PARD3: variants seen among roughly 807,000 people sequenced by gnomAD.
The protein encoded by PARD3 is partitioning defective 3 homolog.
PARD3 carries 75 observed loss-of-function variants against 155.4 expected under a neutral mutation model. The ratio of observed to expected loss-of-function variants is 0.48; its 90% CI spans 0.40 to 0.58. The LOEUF is 0.58. PARD3 is among the 20% of genes least tolerant of loss of function. The pLI is 0.00. For missense variants in PARD3, 1,642 were observed against 1,721.7 expected (o/e 0.95, Z 0.82); for synonymous variants, 576 against 610.5 (o/e 0.94, Z 0.83).
chr10:34,111,698 T>A (rs1243856159), intron 24 of PARD3, 136 bp from the exon 25 acceptor site: 2 of 714,134 alleles, frequency 2.8e-6, no homozygotes. Flanking sequence ...TGCCAGACAC[T>A]GCGATAGGGG....
At chr10:34,507,939 T>C (rs2081184091) in intron 3 of PARD3, among the ~76,000 whole-genome samples, 1 of 152,228 alleles carries the variant, frequency 6.6e-6, no homozygotes, top group Non-Finnish European at 1.5e-5. Context: ...TTATTTCTAT[T>C]TGCAATATGT....
At chr10:34,551,894 A>T (rs896511612) in intron 2 of PARD3, among the ~76,000 whole-genome samples, 1 of 152,220 alleles carries the variant, frequency 6.6e-6, no homozygotes, top group Non-Finnish European at 1.5e-5. Context: ...GACAAAAAAA[A>T]TCTCATAGAC....
intron 23 of PARD3, among the ~76,000 whole-genome samples, chr10:34,120,538 T>G (rs1946940103): frequency 6.6e-6 from 1 of 152,134 alleles, no homozygotes; most frequent in African/African-American, 2.4e-5. Flanking sequence ...AGGTATATAT[T>G]TTAGTTTTAC....
intron 5 of PARD3, among the ~76,000 whole-genome samples, chr10:34,423,541 T>C (rs1296797648): frequency 6.6e-6 from 1 of 152,208 alleles, no homozygotes. Flanking sequence ...CATTCCATAA[T>C]GTATATATTT....
intron 22 of PARD3, among the ~76,000 whole-genome samples, chr10:34,245,718 G>C (rs951815112): frequency 1.3e-5 from 2 of 152,204 alleles, no homozygotes; most frequent in African/African-American, 4.8e-5. Context: ...AGCAAGAAGA[G>C]CACAGGAGAT....
intron 1 of PARD3, among the ~76,000 whole-genome samples, chr10:34,779,437 C>T (rs946099562): frequency 1.3e-5 from 2 of 151,834 alleles, no homozygotes; most frequent in Admixed American, 6.6e-5. Context: ...GGTGAAACCC[C>T]GTCTCCACTA....
Position 34,352,279 on chromosome 10 carries a change from G to C in PARD3, c.2068-4164C>G, listed in dbSNP as rs146147502. Among the ~76,000 whole-genome samples, 1,188 of 152,164 alleles carry C rather than the reference G, an allele frequency of 7.8e-3. 6 individuals are homozygous for C. Among genetic ancestry groups the C allele is most frequent in the Middle Eastern group, 0.014 (4 of 294 alleles). ...TTTACTTCCATTCCACTCCAGTCTCGTTTAAAAATCTTCAACAGAGTGTCA... is the reference window on the plus strand; with the variant it reads ...TTTACTTCCATTCCACTCCAGTCTCCTTTAAAAATCTTCAACAGAGTGTCA... On this transcript the variant is annotated intron_variant, in intron 14 of 24. Coordinates refer to ENST00000374788, the MANE Select transcript of PARD3 (RefSeq NM_001184785.2).
intron 2 of PARD3, among the ~76,000 whole-genome samples, chr10:34,523,144 TA>T (rs901308479): frequency 6.6e-6 from 1 of 152,200 alleles, no homozygotes; most frequent in African/African-American, 2.4e-5. Flanking sequence ...CACTCAGTCT[TA>T]AACAGAGGGC....
rs116221988 is a variant in PARD3 at position 34,327,869 on chromosome 10, T to G, written c.2833+3248A>C. Among the ~76,000 whole-genome samples the G allele has an allele frequency of 2.9e-3, 437 of 152,192 alleles. 2 individuals are homozygous for G. The highest frequency in any genetic ancestry group is 9.7e-3 in the African/African-American group (403 of 41,534). ...GAACCCACTTCCCCTGAGGCCCACT[T>G]AGCACAGACAATAGAAGATGTTGGA... On this transcript the variant is annotated intron_variant, in intron 19 of 24. Coordinates refer to ENST00000374788, the MANE Select transcript of PARD3 (RefSeq NM_001184785.2).
rs185429930 is a variant in PARD3 at position 34,690,335 on chromosome 10, A to G, written c.222+5983T>C. ...GTCCACCAAAAAGGCCATATGCTAG[A>G]CCAAAAAATATGTCTCCATACATTT... On this transcript the variant is annotated intron_variant, in intron 2 of 24. Transcript: ENST00000374788. 1.5e-3 allele frequency among the ~76,000 whole-genome samples: 226 copies of G among 152,328 alleles called. 1 individual carries two copies. Among genetic ancestry groups the G allele is most frequent in the African/African-American group, 5.4e-3 (223 of 41,572 alleles).
chr10:34,381,321 T>A (rs1328993061), intron 9 of PARD3, among the ~76,000 whole-genome samples: 1 of 152,156 alleles, frequency 6.6e-6, no homozygotes, highest in East Asian at 1.9e-4. Context: ...CTATAAGAGT[T>A]GATGGTTGAG....
intron 4 of PARD3, among the ~76,000 whole-genome samples, chr10:34,462,622 A>T (rs1227516237): frequency 1.3e-5 from 2 of 151,856 alleles, no homozygotes; most frequent in Non-Finnish European, 2.9e-5. Context: ...AGATGGGAGG[A>T]TCACTTGAGC....
chr10:34,482,756 A>G (rs1445249013), intron 3 of PARD3, among the ~76,000 whole-genome samples: 1 of 152,150 alleles, frequency 6.6e-6, no homozygotes, highest in Non-Finnish European at 1.5e-5. Context: ...CCAGGGGAAT[A>G]TAAGGTGGAA....
At chr10:34,631,991 T>C (rs1334810130) in intron 2 of PARD3, among the ~76,000 whole-genome samples, 2 of 152,210 alleles carry the variant, frequency 1.3e-5, no homozygotes, top group African/African-American at 4.8e-5. Flanking sequence ...ATTAGAAATA[T>C]TAGCCTGAGG....
chr10:34,259,102 G>A (rs626380), intron 22 of PARD3, among the ~76,000 whole-genome samples: 81,686 of 151,498 alleles, frequency 0.54, 22,328 homozygotes, highest in Middle Eastern at 0.66. Flanking sequence ...GAAGGGGAAA[G>A]CAGTGCCACA....
In PARD3 at chr10:34,360,168, C is replaced by A; in HGVS notation, c.1799G>T (p.Gly600Val). 1.2e-6 allele frequency: 2 copies of A among 1,613,826 alleles called. No homozygotes were observed. Among genetic ancestry groups the A allele is most frequent in the Non-Finnish European group, 1.7e-6 (2 of 1,179,736 alleles). The change falls in exon 13 of 25, where the codon GGC becomes GTC. Residue 600 changes from glycine (G) to valine (V), a missense_variant. Around this residue, in one of 3 missense-constraint regions of PARD3, gnomAD observed 1,529 missense variants for 1,587.3 expected, o/e 0.96. Transcript: ENST00000374788. ...EVPLNDSGSA[G>V]LGVSVKGNRS... ...GTTACCTTTGACACTGACACCAAGG[C>A]CTGCAGATCCTGAATCATTAAGTGG...
chr10:34,769,804 C>CAAA (rs58592886), intron 1 of PARD3, among the ~76,000 whole-genome samples: 9 of 142,384 alleles, frequency 6.3e-5, no homozygotes, highest in Non-Finnish European at 7.5e-5. Context: ...AAAAACAAAA[C>CAAA]AAAAAAAAAA....
chr10:34,425,373 T>G (rs1315359741), intron 5 of PARD3, among the ~76,000 whole-genome samples: 1 of 152,120 alleles, frequency 6.6e-6, no homozygotes, highest in South Asian at 2.1e-4. Flanking sequence ...CAAACAACTC[T>G]CAACACATCA....
intron 22 of PARD3, among the ~76,000 whole-genome samples, chr10:34,233,082 C>T (rs1222026714): frequency 7.6e-6 from 1 of 132,228 alleles, no homozygotes; most frequent in Non-Finnish European, 1.5e-5. Flanking sequence ...ACAATTTGGC[C>T]TTTACATTCC....
Sources: gnomAD v4.1 joint callset for allele counts (sites outside exome capture counted in the v4.1 genomes callset) on GRCh38, gnomAD v4.1.1 for gene constraint, gnomAD v4.1.1 regional missense constraint, MANE v1.5 for transcripts, NCBI Gene and HGNC (gene_info 2026-07-23, HGNC 2026-07-21) for gene names.